The following CNBD1 variants were observed in gnomAD, a reference collection of about 807,000 sequenced individuals.
The protein encoded by CNBD1 is cyclic nucleotide-binding domain-containing protein 1.
CNBD1 carries 71 observed loss-of-function variants against 54.4 expected under a neutral mutation model. That is an observed-to-expected ratio of 1.30 (90% confidence interval 1.08 to 1.59). The LOEUF (loss-of-function observed/expected upper bound fraction) is 1.59. Ranked by LOEUF, CNBD1 falls within the 40% of genes most tolerant of loss-of-function variation. CNBD1 has a pLI of 0.00. For missense variants in CNBD1, 659 were observed against 518.0 expected (o/e 1.27, Z -2.64); for synonymous variants, 182 against 170.7 (o/e 1.07, Z -0.51).
chr8:87,124,998 T>C (rs1251308839), intron 4 of CNBD1, among the ~76,000 whole-genome samples: 1 of 151,736 alleles, frequency 6.6e-6, no homozygotes, highest in Non-Finnish European at 1.5e-5. Context: ...TGTTTGTATA[T>C]ACTAATAACA....
intron 2 of CNBD1, among the ~76,000 whole-genome samples, chr8:87,409,374 T>G (rs1224671411): frequency 6.6e-6 from 1 of 152,154 alleles, no homozygotes; most frequent in Non-Finnish European, 1.5e-5. Flanking sequence ...CTGCAGAAAT[T>G]TGAAAGCTAA....
chr8:87,419,413 A>G (rs540954494), intron 2 of CNBD1, among the ~76,000 whole-genome samples: 1 of 152,038 alleles, frequency 6.6e-6, no homozygotes, highest in African/African-American at 2.4e-5. Flanking sequence ...AAACCACTAA[A>G]CTGTACTGTT....
At chr8:87,078,815 G>A (rs575744172) in intron 4 of CNBD1, among the ~76,000 whole-genome samples, 3 of 152,286 alleles carry the variant, frequency 2.0e-5, no homozygotes, top group Non-Finnish European at 4.4e-5. Context: ...TCCAATGACA[G>A]CAGTCAAATA....
chr8:87,087,936 T>A (rs1811135182), intron 4 of CNBD1, among the ~76,000 whole-genome samples: 1 of 152,178 alleles, frequency 6.6e-6, no homozygotes, highest in Non-Finnish European at 1.5e-5. Flanking sequence ...AACATATTTT[T>A]GGCTTTGAGA....
At position 87,134,329 on chromosome 8, in the gene CNBD1, T is replaced by G. The variant is rs567588410; in HGVS notation, c.432-71664T>G. Among the ~76,000 whole-genome samples, 3 of 152,256 alleles carry G rather than the reference T, an allele frequency of 2.0e-5. No homozygotes were observed. In the East Asian group the frequency reaches 5.8e-4, roughly 29 times the overall value. On this transcript the variant is annotated intron_variant, in intron 4 of 10. Transcript: ENST00000518476. Reference sequence around the variant, plus strand: ...AAGGGAGGAGATCAGTACAGATTGATGTTTTAGGAAAAAAACTTCCAGTTT... The same window carrying G: ...AAGGGAGGAGATCAGTACAGATTGAGGTTTTAGGAAAAAAACTTCCAGTTT...
chr8:87,421,432 C>A (rs544369069), intron 2 of CNBD1, among the ~76,000 whole-genome samples: 79 of 126,144 alleles, frequency 6.3e-4, no homozygotes, highest in African/African-American at 1.9e-3. Context: ...CCCCTCCCCC[C>A]ACCCCACAAC....
At chr8:87,109,803 G>T (rs1811622506) in intron 4 of CNBD1, among the ~76,000 whole-genome samples, 1 of 151,994 alleles carries the variant, frequency 6.6e-6, no homozygotes, top group African/African-American at 2.4e-5. Flanking sequence ...CTCCCAAAGT[G>T]CTGGGATTAC....
intron 4 of CNBD1, among the ~76,000 whole-genome samples, chr8:87,119,118 C>T (rs574527994): frequency 2.0e-4 from 31 of 151,550 alleles, no homozygotes; most frequent in African/African-American, 7.0e-4. Flanking sequence ...ATTTTTTTTT[C>T]TAATTTTATG....
chr8:87,324,715 A>G (rs1240983594), intron 8 of CNBD1, among the ~76,000 whole-genome samples: 2 of 151,390 alleles, frequency 1.3e-5, no homozygotes, highest in Non-Finnish European at 2.9e-5. Flanking sequence ...TAGTCTTGCT[A>G]GCGGTCTATC....
chr8:87,040,580 C>A (rs907209879), intron 4 of CNBD1, among the ~76,000 whole-genome samples: 1 of 151,480 alleles, frequency 6.6e-6, no homozygotes, highest in East Asian at 1.9e-4. Flanking sequence ...CCTGCCACCA[C>A]GCCTGGATAA....
At chr8:86,957,438 G>A (rs966695630) in intron 4 of CNBD1, among the ~76,000 whole-genome samples, 53 of 152,206 alleles carry the variant, frequency 3.5e-4, no homozygotes, top group Non-Finnish European at 5.9e-5. Flanking sequence ...GGTAGAATTC[G>A]GCTGTGAATC....
At chr8:87,074,116 AG>A (rs200552469) in intron 4 of CNBD1, among the ~76,000 whole-genome samples, 3,672 of 148,304 alleles carry the variant, frequency 0.025, 168 homozygotes, top group African/African-American at 0.085. Flanking sequence ...AAAAAAAAAA[AG>A]GCAGCAGTCT....
chr8:87,236,155 G>A (rs145394222), intron 5 of CNBD1, among the ~76,000 whole-genome samples: 83 of 152,268 alleles, frequency 5.5e-4, no homozygotes, highest in African/African-American at 2.0e-3. Context: ...GACAGCACTT[G>A]AGTAATTTGC....
intron 8 of CNBD1, among the ~76,000 whole-genome samples, chr8:87,349,655 G>A (rs1218653618): frequency 2.6e-5 from 4 of 152,178 alleles, no homozygotes; most frequent in African/African-American, 4.8e-5. Context: ...GATTACAGGC[G>A]TGAGCCACCG....
At chr8:86,952,201 A>G (rs1448635405) in intron 4 of CNBD1, among the ~76,000 whole-genome samples, 3 of 152,170 alleles carry the variant, frequency 2.0e-5, no homozygotes. Context: ...TATAACATAC[A>G]AAACCCAAGC....
intron 8 of CNBD1, among the ~76,000 whole-genome samples, chr8:87,318,916 CT>C (rs1389559828): frequency 6.6e-6 from 1 of 151,922 alleles, no homozygotes; most frequent in Non-Finnish European, 1.5e-5. Context: ...GATAGCCAAA[CT>C]TGTAAGAGTT....
chr8:87,181,602 C>T (rs1813313722), intron 4 of CNBD1, among the ~76,000 whole-genome samples: 1 of 152,176 alleles, frequency 6.6e-6, no homozygotes, highest in Admixed American at 6.5e-5. Flanking sequence ...GTTTTTACTA[C>T]TGTATGTCTT....
intron 10 of CNBD1, among the ~76,000 whole-genome samples, chr8:87,378,778 A>T (rs1403108572): frequency 6.6e-6 from 1 of 151,096 alleles, no homozygotes; most frequent in East Asian, 1.9e-4. Flanking sequence ...GATTCTTCCT[A>T]CCCATGAGCA....
At chr8:87,124,676 C>T (rs1811957085) in intron 4 of CNBD1, among the ~76,000 whole-genome samples, 1 of 151,700 alleles carries the variant, frequency 6.6e-6, no homozygotes, top group Non-Finnish European at 1.5e-5. Flanking sequence ...CCATATATGA[C>T]AAACTTGTAG....
Sources: allele counts gnomAD v4.1 joint callset (sites outside exome capture counted in the v4.1 genomes callset), GRCh38; gene constraint gnomAD v4.1.1; transcripts MANE v1.5; gene names NCBI Gene and HGNC (gene_info 2026-07-23, HGNC 2026-07-21).